The following ARK2C variants were observed in gnomAD, a reference collection of about 807,000 sequenced individuals.
The protein encoded by ARK2C is E3 ubiquitin-protein ligase ARK2C.
chr18:46,355,199 C>T, the ARK2C span, among the ~76,000 whole-genome samples: 1 of 152,154 alleles, frequency 6.6e-6, no homozygotes, highest in Non-Finnish European at 1.5e-5. Flanking sequence ...GTTATCCACC[C>T]ACTTCGGCAT....
the ARK2C span, among the ~76,000 whole-genome samples, chr18:46,448,105 T>C: frequency 2.0e-5 from 3 of 149,818 alleles, no homozygotes; most frequent in African/African-American, 7.4e-5. Context: ...CTGGCTCCCC[T>C]GCGCTCCGGA....
the ARK2C span, among the ~76,000 whole-genome samples, chr18:46,407,065 C>T: frequency 9.2e-4 from 140 of 152,318 alleles, 1 homozygote; most frequent in South Asian, 2.1e-3. Flanking sequence ...CGGCCTCTAC[C>T]ACCTCTTGGA....
the ARK2C span, among the ~76,000 whole-genome samples, chr18:46,442,566 C>G: frequency 6.6e-6 from 1 of 152,066 alleles, no homozygotes; most frequent in East Asian, 1.9e-4. Context: ...GTTTTATGGT[C>G]CAGCATTTAT....
chr18:46,456,033 G>C, the ARK2C span: 1 of 1,613,432 alleles, frequency 6.2e-7, no homozygotes, highest in Non-Finnish European at 8.5e-7. Context: ...ACACAGATGA[G>C]AAATGCACAA....
At chr18:46,438,205 T>A in the ARK2C span, among the ~76,000 whole-genome samples, 104,198 of 152,256 alleles carry the variant, frequency 0.68, 36,385 homozygotes, top group African/African-American at 0.73. Context: ...GATATTCCTG[T>A]GACCCCTTTA....
chr18:46,450,354 G>T, the ARK2C span: 1 of 1,614,102 alleles, frequency 6.2e-7, no homozygotes, highest in Non-Finnish European at 8.5e-7. Context: ...GCTCTCCAGG[G>T]ACTAAATCCC....
chr18:46,421,154 G>A, the ARK2C span, among the ~76,000 whole-genome samples: 1 of 152,154 alleles, frequency 6.6e-6, no homozygotes, highest in Non-Finnish European at 1.5e-5. Flanking sequence ...CCTGCAACTG[G>A]GCCCCTATAC....
At chr18:46,417,179 C>G in the ARK2C span, among the ~76,000 whole-genome samples, 2 of 152,220 alleles carry the variant, frequency 1.3e-5, no homozygotes, top group African/African-American at 4.8e-5. Flanking sequence ...TCACCTTCCC[C>G]CGATTGCCAC....
At chr18:46,369,833 T>A in the ARK2C span, among the ~76,000 whole-genome samples, 1 of 152,214 alleles carries the variant, frequency 6.6e-6, no homozygotes, top group Non-Finnish European at 1.5e-5. Flanking sequence ...TTGCTTGCTT[T>A]TCCTCTTAAG....
At chr18:46,382,546 A>G in the ARK2C span, among the ~76,000 whole-genome samples, 1 of 152,240 alleles carries the variant, frequency 6.6e-6, no homozygotes, top group East Asian at 1.9e-4. Context: ...TGCTTATTTT[A>G]CTTACTACTG....
chr18:46,418,629 C>T, the ARK2C span, among the ~76,000 whole-genome samples: 3 of 152,178 alleles, frequency 2.0e-5, no homozygotes, highest in Non-Finnish European at 2.9e-5. Context: ...TGCTTCATCA[C>T]GGCTGCTTCC....
At chr18:46,447,259 T>C in the ARK2C span, among the ~76,000 whole-genome samples, 8 of 152,178 alleles carry the variant, frequency 5.3e-5, no homozygotes, top group South Asian at 2.1e-4. Flanking sequence ...ATTTAGATTC[T>C]TCTTTCAGCA....
At chr18:46,378,575 T>G in the ARK2C span, among the ~76,000 whole-genome samples, 2 of 152,196 alleles carry the variant, frequency 1.3e-5, no homozygotes, top group Non-Finnish European at 1.5e-5. Context: ...TATGGTCCAA[T>G]TGTTCCAGTT....
At chr18:46,352,604 T>C in the ARK2C span, among the ~76,000 whole-genome samples, 1 of 152,164 alleles carries the variant, frequency 6.6e-6, no homozygotes, top group Non-Finnish European at 1.5e-5. Context: ...TATGGCCCTT[T>C]TCTGCATGGT....
At chr18:46,449,131 T>A in the ARK2C span, among the ~76,000 whole-genome samples, 2 of 152,256 alleles carry the variant, frequency 1.3e-5, no homozygotes, top group South Asian at 4.1e-4. Flanking sequence ...CAAAAGAGTA[T>A]TATCCTGATT....
At chr18:46,380,010 A>AC in the ARK2C span, among the ~76,000 whole-genome samples, 14 of 152,062 alleles carry the variant, frequency 9.2e-5, no homozygotes, top group African/African-American at 3.4e-4. Flanking sequence ...AGGCCACCCC[A>AC]CCCCCAAATC....
At chr18:46,440,961 A>G in the ARK2C span, among the ~76,000 whole-genome samples, 2 of 151,996 alleles carry the variant, frequency 1.3e-5, no homozygotes, top group East Asian at 3.9e-4. Flanking sequence ...ACTTTCTGGA[A>G]GAGGTTGTGT....
At chr18:46,380,477 T>G in the ARK2C span, among the ~76,000 whole-genome samples, 1 of 152,222 alleles carries the variant, frequency 6.6e-6, no homozygotes, top group Non-Finnish European at 1.5e-5. Flanking sequence ...GAGGGGCGCT[T>G]GCACAGTGCT....
the ARK2C span, among the ~76,000 whole-genome samples, chr18:46,451,671 G>C: frequency 6.6e-6 from 1 of 152,078 alleles, no homozygotes; most frequent in Admixed American, 6.6e-5. Flanking sequence ...AGTTCATGGT[G>C]GTATGAACTT....
Sources: gnomAD v4.1 joint callset for allele counts (sites outside exome capture counted in the v4.1 genomes callset) on GRCh38, gnomAD v4.1.1 for gene constraint, MANE v1.5 for transcripts, NCBI Gene and HGNC (gene_info 2026-07-23, HGNC 2026-07-21) for gene names.